PRSS57: variants seen among roughly 807,000 people sequenced by gnomAD.
The protein encoded by PRSS57 is serine protease 57, also known as neutrophil serine protease 4.
Under a neutral mutation model 20.6 loss-of-function variants are expected in PRSS57, and 19 were observed. The ratio of observed to expected loss-of-function variants is 0.92; its 90% confidence interval spans 0.64 to 1.35. The LOEUF is 1.35. Ranked by LOEUF, PRSS57 falls within the 40% of genes most tolerant of loss-of-function variation. The pLI is 0.00. For missense variants in PRSS57, 440 were observed against 403.7 expected (o/e 1.09, Z -0.77); for synonymous variants, 203 against 176.6 (o/e 1.15, Z -1.19).
At chr19:686,700 T>A (rs1222432541) in intron 4 of PRSS57, among the ~76,000 whole-genome samples, 1 of 152,098 alleles carries the variant, frequency 6.6e-6, no homozygotes, top group African/African-American at 2.4e-5. Context: ...ACTGCTTGTA[T>A]AAATACACAA....
chr19:694,103 T>C (rs1057210869), intron 2 of PRSS57, among the ~76,000 whole-genome samples: 25 of 151,316 alleles, frequency 1.7e-4, no homozygotes, highest in African/African-American at 5.6e-4. Flanking sequence ...CTCATACTCC[T>C]GACCTCAAAC....
rs182920985 is a variant in PRSS57, at chr19:695,149, C to T, written c.80-182G>A. ...CCCCAGATGCGCTGGGAGGGGCTCC[C>T]GAGCCCGGGAGATCCAGGGCTGGGC... On this transcript the variant is annotated intron_variant, in intron 1 of 4. Coordinates refer to ENST00000329267, the MANE Select transcript of PRSS57 (RefSeq NM_001308209.2). Among the ~76,000 whole-genome samples the T allele has an allele frequency of 1.7e-3, 253 of 152,168 alleles. 7 individuals are homozygous for T. Among genetic ancestry groups the T allele is most frequent in the Admixed American group, 0.016 (251 of 15,294 alleles).
intron 4 of PRSS57, 58 bp from the exon 5 acceptor site, chr19:685,980 A>C: frequency 1.8e-5 from 25 of 1,420,966 alleles, no homozygotes; most frequent in Non-Finnish European, 2.2e-5. Flanking sequence ...GGCACATCTC[A>C]CCACGGCCCT....
At chr19:695,072 G>T in intron 1 of PRSS57, 105 bp from the exon 2 acceptor site, 1 of 1,122,780 alleles carries the variant, frequency 8.9e-7, no homozygotes, top group Non-Finnish European at 1.2e-6. Flanking sequence ...GACAGGGGGT[G>T]AGATTAGAGA....
At chr19:693,522 GT>G (rs1353238451) in intron 2 of PRSS57, among the ~76,000 whole-genome samples, 4 of 151,946 alleles carry the variant, frequency 2.6e-5, no homozygotes, top group Non-Finnish European at 5.9e-5. Flanking sequence ...ATAATATTAG[GT>G]TGGTGCAAAA....
rs140438715 is a variant in PRSS57 at position 693,562 on chromosome 19, A to G, written c.233+1252T>C. The stretch of plus-strand genomic sequence containing the variant: ...ATTGCACGAAAAAAATTAAATGGCA[A>G]AAACCACAATTAACTTTTTTTTTTC... On this transcript the variant is annotated intron_variant, in intron 2 of 4. Transcript: ENST00000329267. 2.0e-5 allele frequency among the ~76,000 whole-genome samples: 3 copies of G among 152,186 alleles called. No homozygotes were observed. The East Asian group carries it at 5.8e-4, about 29-fold the overall frequency.
intron 3 of PRSS57, chr19:690,696 C>A: frequency 3.2e-6 from 1 of 315,862 alleles, no homozygotes; most frequent in Non-Finnish European, 6.2e-6. Context: ...TCTGTTCCCA[C>A]CGGGGACTAC....
Position 685,878 on chromosome 19 carries a change from G to C in PRSS57, c.687C>G (p.Gly229=). ...ACCAGAGGCCCGAGAAGGAAACGAG[G>C]CCGTGAGCCCGGTTCCTGCACACCA... ...GPLVCRNRAH[G]LVSFSGLWCG... Residue 229 remains glycine (G), a synonymous_variant, in exon 5 of 5, where the codon GGC becomes GGG. Transcript: ENST00000329267. 3 of 1,554,678 alleles carry C rather than the reference G, an allele frequency of 1.9e-6. No individual in the cohort carries two copies. The highest frequency in any genetic ancestry group is 1.2e-5 in the South Asian group (1 of 84,412).
intron 3 of PRSS57, 128 bp from the exon 4 acceptor site, chr19:687,316 G>A (rs2031511140): frequency 3.6e-6 from 4 of 1,113,986 alleles, no homozygotes; most frequent in Non-Finnish European, 4.9e-6. Flanking sequence ...ATGAGGCCGG[G>A]TCAGGAGGCC....
chr19:694,690 C>A, intron 2 of PRSS57, 124 bp downstream of exon 2: 1 of 1,127,474 alleles, frequency 8.9e-7, no homozygotes, highest in Non-Finnish European at 1.2e-6. Context: ...CCTTTAAATC[C>A]AGCCCCTGCT....
At chr19:692,149 C>G in intron 2 of PRSS57, 147 bp from the exon 3 acceptor site, 1 of 790,070 alleles carries the variant, frequency 1.3e-6, no homozygotes, top group East Asian at 3.6e-5. Flanking sequence ...GAGGGTGGAT[C>G]ACCTGAGGTC....
chr19:685,937 G>C lies in PRSS57; in HGVS notation c.643-15C>G. 1 of 1,529,932 alleles carries C rather than the reference G, an allele frequency of 6.5e-7. No individual in the cohort carries two copies. Among genetic ancestry groups the C allele is most frequent in the Non-Finnish European group, 8.8e-7 (1 of 1,133,390 alleles). 94.8% of individuals were successfully genotyped at this position (1,529,932 alleles called of 1,614,324 possible). ...CCGGAGTCGGCCTGGAGTGAAAGGA[G>C]AGGTGAGGTCAGGGCCTCTGGGAGC... On this transcript the variant is annotated splice_polypyrimidine_tract_variant and intron_variant, in intron 4 of 4. Coordinates refer to ENST00000329267, the MANE Select transcript of PRSS57 (RefSeq NM_001308209.2).
intron 2 of PRSS57, 45 bp from the exon 3 acceptor site, chr19:692,047 G>A (rs753276434): frequency 4.4e-5 from 56 of 1,276,706 alleles, no homozygotes; most frequent in Middle Eastern, 2.6e-4. Context: ...AGGGCTGCCC[G>A]TCCTGGGCCT....
At chr19:690,663 G>A in intron 3 of PRSS57, 1 of 278,874 alleles carries the variant, frequency 3.6e-6, no homozygotes. Flanking sequence ...ATCCGCACCG[G>A]CCAGCGCACC....
Position 687,116 on chromosome 19 carries a change from TGG to T in PRSS57, c.449_450del (p.Pro150HisfsTer16). ...GCCACCCGGCACCGTGTCCCCGCTG[TGG>T]GGGGCCTGGCCCTTCTCCCTGGCGG... ...LRPPGRRARP[P>X]TAGTRCRVAG... On this transcript the variant is annotated frameshift_variant, in exon 4 of 5. Transcript: ENST00000329267. LOFTEE classifies it high-confidence loss of function. 2 of 1,611,742 alleles carry T rather than the reference TGG, an allele frequency of 1.2e-6. No homozygotes were observed. The highest frequency in any genetic ancestry group is 3.3e-4 in the Middle Eastern group (2 of 6,054).
At position 694,938 on chromosome 19, in the gene PRSS57, G is replaced by A; in HGVS notation, c.109C>T (p.His37Tyr). The part of the protein sequence containing the change: ...GSWGAQIIGG[H>Y]EVTPHSRPYM... ...GGCCTGGAGTGGGGGGTCACCTCGTGGCCCCCGATGATCTGGGCCCCCCAG... is the reference window on the plus strand; with the variant it reads ...GGCCTGGAGTGGGGGGTCACCTCGTAGCCCCCGATGATCTGGGCCCCCCAG... Residue 37 changes from histidine to tyrosine, a missense_variant, in exon 2 of 5, where the codon CAC becomes TAC. Coordinates refer to ENST00000329267, the MANE Select transcript of PRSS57 (RefSeq NM_001308209.2). 2 of 1,574,348 alleles carry A rather than the reference G, an allele frequency of 1.3e-6. No homozygotes were observed. Among genetic ancestry groups the A allele is most frequent in the East Asian group, 2.3e-5 (1 of 43,272 alleles).
intron 3 of PRSS57, among the ~76,000 whole-genome samples, chr19:689,377 G>A (rs144305794): frequency 0.026 from 3,916 of 152,104 alleles, 72 homozygotes; most frequent in Non-Finnish European, 0.042. Context: ...CTTGACAGGC[G>A]TGAGGGGAAA....
chr19:694,761 C>T, intron 2 of PRSS57, 53 bp downstream of exon 2: 1 of 1,544,620 alleles, frequency 6.5e-7, no homozygotes, highest in African/African-American at 1.4e-5. Context: ...CTGGAGTCCC[C>T]CTCATGTCGG....
chr19:694,701 G>A (rs2031738209), intron 2 of PRSS57, 113 bp downstream of exon 2: 1 of 1,242,826 alleles, frequency 8.0e-7, no homozygotes, highest in Non-Finnish European at 1.1e-6. Flanking sequence ...AGCCCCTGCT[G>A]AGACTCCCCC....
Sources: gnomAD v4.1 joint callset for allele counts (sites outside exome capture counted in the v4.1 genomes callset) on GRCh38, gnomAD v4.1.1 for gene constraint, MANE v1.5 for transcripts, NCBI Gene and HGNC (gene_info 2026-07-23, HGNC 2026-07-21) for gene names.